Variants in NELL2 observed in about 807,000 individuals in gnomAD.
The protein encoded by NELL2 is neural EGFL like 2, also known as protein kinase C-binding protein NELL2.
In NELL2, 41 loss-of-function variants were observed where a neutral mutation model predicts 109.6. That is an observed-to-expected ratio of 0.37 (90% confidence interval 0.29 to 0.49). The LOEUF (loss-of-function observed/expected upper bound fraction) is 0.49. Among genes scored for constraint, NELL2 ranks in the 20% least tolerant of loss-of-function variants. The pLI is 0.98. For missense variants in NELL2, 900 were observed against 1,008.3 expected (o/e 0.89, Z 1.45); for synonymous variants, 355 against 344.7 (o/e 1.03, Z -0.33).
At chr12:44,744,522 T>G (rs1379577512) in intron 9 of NELL2, among the ~76,000 whole-genome samples, 3 of 152,040 alleles carry the variant, frequency 2.0e-5, no homozygotes, top group African/African-American at 7.2e-5. Flanking sequence ...GCTGGTTTTT[T>G]GAAAAGATCA....
At chr12:44,593,606 A>C (rs993586674) in intron 15 of NELL2, among the ~76,000 whole-genome samples, 1 of 152,212 alleles carries the variant, frequency 6.6e-6, no homozygotes, top group Non-Finnish European at 1.5e-5. Flanking sequence ...TCCTTTGGGT[A>C]TATACCCAGT....
intron 2 of NELL2, among the ~76,000 whole-genome samples, chr12:44,842,986 C>G (rs1371505839): frequency 6.6e-6 from 1 of 152,154 alleles, no homozygotes; most frequent in Non-Finnish European, 1.5e-5. Context: ...TGATTTCATA[C>G]TTCTGGCCTT....
At chr12:44,622,429 C>T (rs1411550420) in intron 13 of NELL2, among the ~76,000 whole-genome samples, 1 of 152,112 alleles carries the variant, frequency 6.6e-6, no homozygotes, top group African/African-American at 2.4e-5. Context: ...AGAAATATCA[C>T]TTCCACCTAA....
At chr12:44,766,646 A>G (rs1041457659) in intron 9 of NELL2, among the ~76,000 whole-genome samples, 2 of 152,174 alleles carry the variant, frequency 1.3e-5, no homozygotes, top group Non-Finnish European at 2.9e-5. Flanking sequence ...CCTATGAATG[A>G]TACCTAGATT....
chr12:44,592,879 A>C (rs532948042), intron 15 of NELL2, among the ~76,000 whole-genome samples: 1 of 152,342 alleles, frequency 6.6e-6, no homozygotes, highest in South Asian at 2.1e-4. Flanking sequence ...GAGAAGAAAT[A>C]GCCAAAGCAT....
chr12:44,745,319 C>A (rs1207148673), intron 9 of NELL2, among the ~76,000 whole-genome samples: 2 of 152,120 alleles, frequency 1.3e-5, no homozygotes, highest in African/African-American at 4.8e-5. Context: ...TAAGCGCAAT[C>A]TATGACAAAC....
At chr12:44,775,612 C>A (rs973110239) in intron 8 of NELL2, among the ~76,000 whole-genome samples, 11 of 152,152 alleles carry the variant, frequency 7.2e-5, no homozygotes, top group Non-Finnish European at 1.6e-4. Flanking sequence ...TAAACTCTAT[C>A]TAATTTGCTT....
At chr12:44,754,003 G>A (rs916963191) in intron 9 of NELL2, among the ~76,000 whole-genome samples, 7 of 152,028 alleles carry the variant, frequency 4.6e-5, no homozygotes, top group African/African-American at 9.7e-5. Context: ...TGGAAAATTC[G>A]TTTCTGTATT....
chr12:44,701,833 G>C (rs1032186910), intron 12 of NELL2, among the ~76,000 whole-genome samples: 1 of 151,990 alleles, frequency 6.6e-6, no homozygotes, highest in African/African-American at 2.4e-5. Context: ...ACTGGAGCCA[G>C]AACTATCCTT....
intron 9 of NELL2, among the ~76,000 whole-genome samples, chr12:44,728,354 C>G (rs1939192034): frequency 6.6e-6 from 1 of 151,880 alleles, no homozygotes; most frequent in African/African-American, 2.4e-5. Context: ...TTGAAAAATC[C>G]ACTAGAGGAG....
At chr12:44,669,758 T>C (rs1231441890) in intron 12 of NELL2, among the ~76,000 whole-genome samples, 2 of 152,088 alleles carry the variant, frequency 1.3e-5, no homozygotes, top group African/African-American at 4.8e-5. Context: ...AGCCTAGGTG[T>C]CCTATAGGAA....
intron 15 of NELL2, among the ~76,000 whole-genome samples, chr12:44,538,055 T>G (rs1489926640): frequency 6.6e-6 from 1 of 152,162 alleles, no homozygotes; most frequent in Non-Finnish European, 1.5e-5. Context: ...AGATATAATC[T>G]CTTCATCATA....
intron 11 of NELL2, among the ~76,000 whole-genome samples, chr12:44,710,946 A>T (rs1016756527): frequency 6.6e-6 from 1 of 152,148 alleles, no homozygotes; most frequent in African/African-American, 2.4e-5. Flanking sequence ...GCCAAGAAAC[A>T]GTAACTGCCA....
chr12:44,904,969 G>GA (rs1281735600), intron 1 of NELL2, among the ~76,000 whole-genome samples: 1 of 152,028 alleles, frequency 6.6e-6, no homozygotes, highest in African/African-American at 2.4e-5. Context: ...GAGTTAAACA[G>GA]TTTTAAGCAG....
intron 15 of NELL2, among the ~76,000 whole-genome samples, chr12:44,551,049 T>C (rs1943028367): frequency 6.6e-6 from 1 of 152,104 alleles, no homozygotes; most frequent in Non-Finnish European, 1.5e-5. Context: ...AATAAAATTG[T>C]AATGAGGCAA....
intron 15 of NELL2, 53 bp downstream of exon 15, chr12:44,607,116 T>C: frequency 2.0e-6 from 3 of 1,468,578 alleles, no homozygotes; most frequent in Non-Finnish European, 2.8e-6. Context: ...CATGGATTAC[T>C]TTATGCATTG....
intron 12 of NELL2, among the ~76,000 whole-genome samples, chr12:44,687,944 G>A (rs1228381925): frequency 6.6e-6 from 1 of 152,066 alleles, no homozygotes; most frequent in African/African-American, 2.4e-5. Context: ...CATCACATAA[G>A]ATACCTGCAA....
chr12:44,632,482 C>T (rs978297265), intron 13 of NELL2, among the ~76,000 whole-genome samples: 1 of 152,068 alleles, frequency 6.6e-6, no homozygotes, highest in Non-Finnish European at 1.5e-5. Flanking sequence ...ATGCTTTATG[C>T]TCCTCACTTA....
At chr12:44,885,549 CA>C (rs1358415243) in intron 1 of NELL2, among the ~76,000 whole-genome samples, 1 of 151,668 alleles carries the variant, frequency 6.6e-6, no homozygotes, top group Non-Finnish European at 1.5e-5. Context: ...CATTAAAAAA[CA>C]TGAAATACTT....
Sources: allele counts gnomAD v4.1 joint callset (sites outside exome capture counted in the v4.1 genomes callset), GRCh38; gene constraint gnomAD v4.1.1; transcripts MANE v1.5; gene names NCBI Gene and HGNC (gene_info 2026-07-23, HGNC 2026-07-21).